The following PIK3C2B variants were observed in gnomAD, a reference collection of about 807,000 sequenced individuals.
The protein encoded by PIK3C2B is phosphatidylinositol-4-phosphate 3-kinase catalytic subunit type 2 beta, also known as phosphatidylinositol 4-phosphate 3-kinase C2 domain-containing subunit beta.
In PIK3C2B, 83 loss-of-function variants were observed where a neutral mutation model predicts 184.3. That is an observed-to-expected ratio of 0.45 (90% CI 0.38 to 0.54). The LOEUF (loss-of-function observed/expected upper bound fraction) is 0.54, where lower values mean the gene tolerates loss of function less well. PIK3C2B is among the 20% of genes least tolerant of loss of function. PIK3C2B has a pLI of 0.00. For synonymous variants in PIK3C2B, 779 were observed against 837.6 expected, an observed-to-expected ratio of 0.93 and a Z score of 1.21; for missense variants, 1,736 against 2,113.5, an observed-to-expected ratio of 0.82 and a Z score of 3.50.
chr1:204,437,568 C>T (rs1675419660), intron 23 of PIK3C2B, among the ~76,000 whole-genome samples: 1 of 152,052 alleles, frequency 6.6e-6, no homozygotes, highest in Non-Finnish European at 1.5e-5. Context: ...GAGAGGCATT[C>T]CAGTGGTTCA....
At chr1:204,463,900 G>T in intron 5 of PIK3C2B, 112 bp downstream of exon 5, 2 of 1,093,644 alleles carry the variant, frequency 1.8e-6, no homozygotes, top group Non-Finnish European at 2.7e-6. Context: ...CAGGAGTCTT[G>T]ACTGTGGGAT....
At chr1:204,458,703 A>G (rs950483092) in intron 8 of PIK3C2B, among the ~76,000 whole-genome samples, 1 of 152,158 alleles carries the variant, frequency 6.6e-6, no homozygotes, top group Admixed American at 6.5e-5. Context: ...CATGTTGGCC[A>G]GGCTGGTCTC....
chr1:204,483,119 C>T (rs7518788), intron 1 of PIK3C2B, among the ~76,000 whole-genome samples: 6,998 of 152,182 alleles, frequency 0.046, 364 homozygotes, highest in East Asian at 0.26. Flanking sequence ...TGCTTCCATC[C>T]GAATTCAAGA....
At chr1:204,437,807 A>T (rs1455031521) in intron 23 of PIK3C2B, among the ~76,000 whole-genome samples, 1 of 152,346 alleles carries the variant, frequency 6.6e-6, no homozygotes, top group South Asian at 2.1e-4. Flanking sequence ...AAGGAGAGAC[A>T]GCAGGCTCAG....
intron 9 of PIK3C2B, among the ~76,000 whole-genome samples, 156 bp downstream of exon 9, chr1:204,457,572 A>G (rs1432574981): frequency 1.3e-5 from 2 of 152,218 alleles, no homozygotes; most frequent in East Asian, 3.8e-4. Flanking sequence ...ATTTCTGAAG[A>G]GCTCTTGCGG....
chr1:204,450,682 G>A (rs1236417175), intron 12 of PIK3C2B, among the ~76,000 whole-genome samples: 1 of 152,178 alleles, frequency 6.6e-6, no homozygotes, highest in South Asian at 2.1e-4. Flanking sequence ...GCAGGGCCAA[G>A]AGAACTGAGA....
chr1:204,427,109 C>T (rs1272208042), intron 31 of PIK3C2B, among the ~76,000 whole-genome samples: 1 of 151,926 alleles, frequency 6.6e-6, no homozygotes, highest in Non-Finnish European at 1.5e-5. Flanking sequence ...TGCACTCCAG[C>T]CTGGGTGACA....
chr1:204,465,227 C>A lies in PIK3C2B; in HGVS notation c.1026G>T (p.Met342Ile). ...RDEEVAAFCH[M>I]LDILRSGSDI... ...CATTCTTTAACTCTTACATATCCAG[C>A]ATGTGGCAAAATGCAGCAACCTCCT... Residue 342 changes from methionine to isoleucine, a missense_variant, in exon 3 of 33, where the codon ATG becomes ATT. This residue lies in a region of PIK3C2B where 609 missense variants were observed against 699.2 expected (regional missense o/e 0.87). Coordinates refer to ENST00000684373, the MANE Select transcript of PIK3C2B (RefSeq NM_001377334.1). The A allele has an allele frequency of 6.5e-7, 1 of 1,536,938 alleles. No individual in the cohort carries two copies. Among genetic ancestry groups the A allele is most frequent in the Admixed American group, 1.7e-5 (1 of 58,582 alleles).
chr1:204,439,638 CTA>C (rs370345262), intron 22 of PIK3C2B, among the ~76,000 whole-genome samples: 8 of 151,708 alleles, frequency 5.3e-5, no homozygotes, highest in African/African-American at 1.2e-4. Flanking sequence ...CTCTCTCTCT[CTA>C]TATATATATT....
intron 10 of PIK3C2B, among the ~76,000 whole-genome samples, chr1:204,456,496 C>CCAAAACAAAAAA (rs1654857054): frequency 6.6e-6 from 1 of 151,886 alleles, no homozygotes; most frequent in Non-Finnish European, 1.5e-5. Context: ...CCCAGGGATG[C>CCAAAACAAAAAA]CAAAACAAAA....
At chr1:204,463,343 T>C (rs1470064534) in intron 5 of PIK3C2B, among the ~76,000 whole-genome samples, 1 of 151,122 alleles carries the variant, frequency 6.6e-6, no homozygotes, top group African/African-American at 2.4e-5. Flanking sequence ...AGCTGTACCA[T>C]CTGAGAAGTG....
intron 12 of PIK3C2B, among the ~76,000 whole-genome samples, chr1:204,453,963 C>T (rs937582332): frequency 6.6e-6 from 1 of 151,554 alleles, no homozygotes; most frequent in Non-Finnish European, 1.5e-5. Flanking sequence ...TTAGTAGAGA[C>T]GAGGTTTCTC....
intron 30 of PIK3C2B, 73 bp downstream of exon 30, chr1:204,428,066 G>A: frequency 1.2e-6 from 1 of 837,770 alleles, no homozygotes; most frequent in Non-Finnish European, 2.0e-6. Flanking sequence ...CTGAGAAGAG[G>A]TTGGGGCAGA....
chr1:204,455,221 C>T (rs1007417737), intron 11 of PIK3C2B, among the ~76,000 whole-genome samples: 1 of 152,108 alleles, frequency 6.6e-6, no homozygotes, highest in African/African-American at 2.4e-5. Flanking sequence ...AGGTGCCTGA[C>T]AGAAGAGGTC....
Position 204,443,575 on chromosome 1 carries a change from C to T in PIK3C2B, c.2890G>A (p.Asp964Asn), listed in dbSNP as rs1653568400. Residue 964 changes from aspartate to asparagine, a missense_variant, in exon 19 of 33, where the codon GAC (aspartate) becomes AAC (asparagine). Asp to Asn is a conservative substitution (Grantham distance 23). Transcript: ENST00000684373. ...TGGTAGCGGATGCTGAACTGAGAGT[C>T]CTTGAGGCCGTCCTTCAGTAACCTG... is the stretch of plus-strand genomic sequence containing the variant. Reference protein sequence around the residue: ...FFWLLKDGLKDSQFSIRYQYL... With the variant: ...FFWLLKDGLKNSQFSIRYQYL... 6.2e-7 allele frequency: 1 copy of T among 1,614,200 alleles called. No homozygotes were observed. Among genetic ancestry groups the T allele is most frequent in the African/African-American group, 1.3e-5 (1 of 75,048 alleles).
chr1:204,481,082 A>C (rs1334619303), intron 1 of PIK3C2B, among the ~76,000 whole-genome samples: 4 of 142,100 alleles, frequency 2.8e-5, no homozygotes, highest in African/African-American at 1.1e-4. Context: ...CCTGCACCCC[A>C]CACACACATC....
At chr1:204,440,766 TA>T (rs1267796920) in intron 21 of PIK3C2B, among the ~76,000 whole-genome samples, 408 of 3,882 alleles carry the variant, frequency 0.11, no homozygotes, top group Middle Eastern at 0.5. Context: ...CCAGCTAATT[TA>T]TATATATATA....
rs775217968 is a variant in PIK3C2B, at chr1:204,444,022, G to T, written c.2867+46C>A. 3.8e-6 allele frequency: 5 copies of T among 1,309,014 alleles called. No individual in the cohort carries two copies. The African/African-American group carries it at 4.4e-5, about 11-fold the overall frequency. The allele number at this position is 1,309,014 out of a possible 1,614,324, so 81.1% of individuals were successfully genotyped here. On this transcript the variant is annotated intron_variant, in intron 18 of 32. Transcript: ENST00000684373. ...GTGCCTAAGAGTGAAATACTCCTACGTGAAAGACACGTGTCTACCTCCCAC... is the reference window on the plus strand; with the variant it reads ...GTGCCTAAGAGTGAAATACTCCTACTTGAAAGACACGTGTCTACCTCCCAC...
intron 2 of PIK3C2B, 112 bp from the exon 3 acceptor site, chr1:204,465,431 G>A (rs978109259): frequency 2.6e-5 from 18 of 684,468 alleles, no homozygotes; most frequent in Middle Eastern, 4.9e-4. Context: ...CTAGTCACTC[G>A]ACATCCAATG....
Sources: allele counts gnomAD v4.1 joint callset (sites outside exome capture counted in the v4.1 genomes callset), GRCh38; gene constraint gnomAD v4.1.1; regional missense constraint gnomAD v4.1.1; transcripts MANE v1.5; gene names NCBI Gene and HGNC (gene_info 2026-07-23, HGNC 2026-07-21).